PTPN21: variants seen among roughly 807,000 people sequenced by gnomAD.
The protein encoded by PTPN21 is protein tyrosine phosphatase non-receptor type 21.
A neutral mutation model predicts 131.8 loss-of-function variants in PTPN21; 77 were observed. The observed-to-expected ratio is 0.58, with a 90% confidence interval of 0.49 to 0.71. PTPN21 has a LOEUF of 0.71. Among genes scored for constraint, PTPN21 ranks in the 30% least tolerant of loss-of-function variants. PTPN21 has a pLI of 0.00. For synonymous variants in PTPN21, 715 were observed against 621.3 expected (o/e 1.15, Z -2.24); for missense variants, 1,552 against 1,527.1 (o/e 1.02, Z -0.27).
At chr14:88,520,185 G>C (rs1315425348) in intron 2 of PTPN21, among the ~76,000 whole-genome samples, 3 of 152,208 alleles carry the variant, frequency 2.0e-5, no homozygotes, top group Non-Finnish European at 4.4e-5. Context: ...GGAAGCTGAA[G>C]TGGGAAGATT....
intron 1 of PTPN21, among the ~76,000 whole-genome samples, chr14:88,554,342 T>C (rs530993819): frequency 8.1e-4 from 123 of 152,338 alleles, no homozygotes; most frequent in Non-Finnish European, 1.5e-3. Context: ...TTCACGTTTA[T>C]ATATTCTGAG....
intron 2 of PTPN21, among the ~76,000 whole-genome samples, chr14:88,526,274 G>T (rs1366718112): frequency 6.6e-6 from 1 of 152,106 alleles, no homozygotes; most frequent in Non-Finnish European, 1.5e-5. Flanking sequence ...TTGTGGCCAG[G>T]CACGGTGGCT....
intron 10 of PTPN21, among the ~76,000 whole-genome samples, chr14:88,489,139 T>C (rs2077782332): frequency 6.6e-6 from 1 of 152,166 alleles, no homozygotes; most frequent in Non-Finnish European, 1.5e-5. Flanking sequence ...GTAAGCTCCG[T>C]GGAGGCAAGA....
At chr14:88,488,619 T>C (rs2077772015) in intron 10 of PTPN21, among the ~76,000 whole-genome samples, 1 of 152,050 alleles carries the variant, frequency 6.6e-6, no homozygotes, top group East Asian at 1.9e-4. Context: ...TGAGAAGAAA[T>C]CACTAGAATC....
Position 88,485,824 on chromosome 14 carries a change from T to C in PTPN21, c.951A>G (p.Thr317=), listed in dbSNP as rs150040997. Residue 317 remains threonine (T), a synonymous_variant, in exon 11 of 19, where the codon ACA becomes ACG. Transcript: ENST00000556564. ...AAGACCTCCTCCTGATTGGGTTCAC[T>C]GTGACAGTCTGAGTTTGCCTATAAA... ...NQCNLQTQTV[T]VNPIRRRSSS... is the part of the protein sequence containing the mutation. 4.1e-4 allele frequency: 656 copies of C among 1,608,120 alleles called. 4 individuals are homozygous for C. The African/African-American group carries it at 6.2e-3, about 15-fold the overall frequency.
Position 88,467,985 on chromosome 14 carries a change from C to T in PTPN21, c.*152G>A. On this transcript the variant is annotated 3_prime_UTR_variant, in exon 19 of 19. Transcript: ENST00000556564. ...CTTCAGCCTGTGCTTCGCACGTTTCCTTCAGCGTGCCGCCATTCAGACTGC... is the reference window on the plus strand; with the variant it reads ...CTTCAGCCTGTGCTTCGCACGTTTCTTTCAGCGTGCCGCCATTCAGACTGC... 1.0e-6 allele frequency: 1 copy of T among 999,920 alleles called. No individual in the cohort carries two copies. 61.9% of individuals were successfully genotyped at this position (999,920 alleles called of 1,614,324 possible). A position where few individuals can be genotyped will look rare whatever the true frequency, so the allele number is the denominator to read the frequency against.
At chr14:88,502,091 A>C (rs370312589) in intron 6 of PTPN21, among the ~76,000 whole-genome samples, 85 of 152,186 alleles carry the variant, frequency 5.6e-4, no homozygotes, top group African/African-American at 1.6e-3. Flanking sequence ...CTTTTTGCTC[A>C]GGTGAGTGCA....
intron 5 of PTPN21, 40 bp downstream of exon 5, chr14:88,505,264 C>G: frequency 6.9e-7 from 1 of 1,446,642 alleles, no homozygotes; most frequent in South Asian, 1.2e-5. Flanking sequence ...TAGGAATAAA[C>G]TGTTTCTTTT....
chr14:88,496,772 T>C (rs1246925007), intron 9 of PTPN21, among the ~76,000 whole-genome samples: 5 of 152,260 alleles, frequency 3.3e-5, no homozygotes, highest in African/African-American at 1.2e-4. Flanking sequence ...TACCAACTTT[T>C]ATTCTTGCCA....
intron 6 of PTPN21, 100 bp from the exon 7 acceptor site, chr14:88,501,468 T>C (rs561370802): frequency 9.8e-7 from 1 of 1,019,156 alleles, no homozygotes; most frequent in Non-Finnish European, 1.5e-6. Context: ...CATAAGACAT[T>C]ATAAACATTT....
In PTPN21 at chr14:88,500,886, CAGA is replaced by C. The variant is rs764648568; in HGVS notation, c.676-18_676-16del. On this transcript the variant is annotated splice_polypyrimidine_tract_variant and intron_variant, in intron 7 of 18. Transcript: ENST00000556564. ...CCTTGGCTATCCTACAAGGAGAAAG[CAGA>C]AGAAGAAACACCCAGGAAGCAGATG... is the stretch of plus-strand genomic sequence containing the variant. 11 of 1,588,808 alleles carry C rather than the reference CAGA, an allele frequency of 6.9e-6. No individual in the cohort carries two copies. The highest frequency in any genetic ancestry group is 5.5e-5 in the South Asian group (5 of 90,352).
At chr14:88,478,092 G>A (rs1371958888) in intron 13 of PTPN21, among the ~76,000 whole-genome samples, 1 of 152,120 alleles carries the variant, frequency 6.6e-6, no homozygotes, top group African/African-American at 2.4e-5. Context: ...TTCTTCATCT[G>A]TAAAACAGGC....
intron 18 of PTPN21, 120 bp from the exon 19 acceptor site, chr14:88,468,385 T>C (rs2077399529): frequency 1.0e-6 from 1 of 954,080 alleles, no homozygotes; most frequent in Non-Finnish European, 1.5e-6. Context: ...TTTTCCACCT[T>C]AGCGTCTTCT....
Position 88,529,806 on chromosome 14 carries a change from G to A in PTPN21, c.181-12545C>T, listed in dbSNP as rs530358600. Among the ~76,000 whole-genome samples the A allele has an allele frequency of 1.3e-4, 19 of 151,914 alleles. No individual in the cohort carries two copies. In the South Asian group the frequency reaches 4.0e-3, roughly 32 times the overall value. On this transcript the variant is annotated intron_variant, in intron 2 of 18. Coordinates refer to ENST00000556564, the MANE Select transcript of PTPN21 (RefSeq NM_007039.4). ...AGACCAGTCTGGCCAACATGGTGAA[G>A]CCCCATCTCTACCAAAAATATAAAA...
intron 2 of PTPN21, among the ~76,000 whole-genome samples, chr14:88,518,101 G>C (rs892692048): frequency 6.9e-6 from 1 of 144,990 alleles, no homozygotes; most frequent in African/African-American, 2.5e-5. Flanking sequence ...TTGAGTTTTT[G>C]CCTCTGTTTC....
chr14:88,478,849 G>A (rs1160246410), intron 13 of PTPN21, 71 bp downstream of exon 13: 13 of 1,037,438 alleles, frequency 1.3e-5, no homozygotes, highest in South Asian at 5.0e-5. Context: ...AACACGGGAC[G>A]TGATGAGTGA....
At position 88,478,950 on chromosome 14, in the gene PTPN21, C is replaced by G. The variant is rs756922633; in HGVS notation, c.2481G>C (p.Lys827Asn). The change falls in exon 13 of 19, where the codon AAG becomes AAC. Residue 827 changes from lysine to asparagine, a missense_variant. Coordinates refer to ENST00000556564, the MANE Select transcript of PTPN21 (RefSeq NM_007039.4). Reference protein sequence around the residue: ...RPVSDLLSGKKNIVEGLPPLG... With the variant: ...RPVSDLLSGKNNIVEGLPPLG... ...GAGGCGGGAGCCCTTCCACGATGTT[C>G]TTCTTCCCAGAGAGAAGGTCCGACA... 90 of 1,522,664 alleles carry G rather than the reference C, an allele frequency of 5.9e-5. No homozygotes were observed. The highest frequency in any genetic ancestry group is 2.8e-4 in the Admixed American group (14 of 49,918). 94.3% of individuals were successfully genotyped at this position (1,522,664 alleles called of 1,614,324 possible).
intron 10 of PTPN21, among the ~76,000 whole-genome samples, chr14:88,490,165 C>T (rs1387164311): frequency 2.6e-5 from 4 of 152,070 alleles, no homozygotes; most frequent in Admixed American, 6.5e-5. Context: ...CCCGCCACCA[C>T]GCCAGGCTAA....
chr14:88,501,175 G>A, intron 7 of PTPN21, 106 bp downstream of exon 7: 1 of 1,024,434 alleles, frequency 9.8e-7, no homozygotes, highest in Non-Finnish European at 1.5e-6. Context: ...CCAGAGTTTT[G>A]CACGTCCTCA....
Sources: gnomAD v4.1 joint callset for allele counts (sites outside exome capture counted in the v4.1 genomes callset) on GRCh38, gnomAD v4.1.1 for gene constraint, MANE v1.5 for transcripts, NCBI Gene and HGNC (gene_info 2026-07-23, HGNC 2026-07-21) for gene names.